The following SORCS2 variants were observed in gnomAD, a reference collection of about 807,000 sequenced individuals.
The protein encoded by SORCS2 is VPS10 domain-containing receptor SorCS2.
Under a neutral mutation model 141.6 loss-of-function variants are expected in SORCS2, and 100 were observed. That is an observed-to-expected ratio of 0.71 (90% CI 0.60 to 0.83). The LOEUF (loss-of-function observed/expected upper bound fraction) is 0.83, where lower values mean the gene tolerates loss of function less well. Ranked by LOEUF, SORCS2 falls within the 40% of genes least tolerant of loss-of-function variation. SORCS2 has a pLI of 0.00. For missense variants in SORCS2, 1,646 were observed against 1,560.2 expected (o/e 1.05, Z -0.93); for synonymous variants, 789 against 676.9 (o/e 1.17, Z -2.57).
chr4:7,245,980 G>A (rs1219293398), intron 1 of SORCS2, among the ~76,000 whole-genome samples: 4 of 152,188 alleles, frequency 2.6e-5, no homozygotes, highest in African/African-American at 4.8e-5. Context: ...CAGCCTTGCC[G>A]TGATACTCCC....
At chr4:7,463,539 G>A (rs1002347499) in intron 2 of SORCS2, among the ~76,000 whole-genome samples, 1 of 152,174 alleles carries the variant, frequency 6.6e-6, no homozygotes, top group Non-Finnish European at 1.5e-5. Context: ...GGGCCTCCAG[G>A]AACAGACCCC....
At chr4:7,306,733 G>C (rs1017581793) in intron 1 of SORCS2, among the ~76,000 whole-genome samples, 1 of 152,166 alleles carries the variant, frequency 6.6e-6, no homozygotes, top group Non-Finnish European at 1.5e-5. Context: ...TCCTGTGGAC[G>C]GATCTCCATG....
chr4:7,543,907 C>CCATCCACCCATCCAT (rs1713000335), intron 3 of SORCS2, among the ~76,000 whole-genome samples: 2 of 43,446 alleles, frequency 4.6e-5, no homozygotes, highest in Non-Finnish European at 9.0e-5. Flanking sequence ...CATCCATCCA[C>CCATCCACCCATCCAT]CCATCCACCC....
At chr4:7,402,116 T>C (rs1374853110) in intron 2 of SORCS2, among the ~76,000 whole-genome samples, 1 of 152,152 alleles carries the variant, frequency 6.6e-6, no homozygotes, top group African/African-American at 2.4e-5. Flanking sequence ...ATTTAGGGCT[T>C]CAGTTTTTAC....
At chr4:7,709,635 G>A (rs1303356167) in intron 14 of SORCS2, among the ~76,000 whole-genome samples, 1 of 152,224 alleles carries the variant, frequency 6.6e-6, no homozygotes, top group East Asian at 1.9e-4. Flanking sequence ...CTCTGCAGGG[G>A]TCTGTACGGG....
At position 7,499,728 on chromosome 4, in the gene SORCS2, T is replaced by C. The variant is rs181701771; in HGVS notation, c.549-31802T>C. 3.4e-4 allele frequency among the ~76,000 whole-genome samples: 51 copies of C among 148,956 alleles called. 1 individual carries two copies. The highest frequency in any genetic ancestry group is 1.3e-3 in the African/African-American group (51 of 40,238). On this transcript the variant is annotated intron_variant, in intron 2 of 26. Transcript: ENST00000507866. Reference sequence around the variant, plus strand: ...CCTGGAAAGATCCTCTCGTCTGCCTTCCTCGCTCCTCAAACGCTGGCATCT... The same window carrying C: ...CCTGGAAAGATCCTCTCGTCTGCCTCCCTCGCTCCTCAAACGCTGGCATCT...
At chr4:7,223,455 G>T (rs1467738092) in intron 1 of SORCS2, among the ~76,000 whole-genome samples, 1 of 152,142 alleles carries the variant, frequency 6.6e-6, no homozygotes, top group Non-Finnish European at 1.5e-5. Flanking sequence ...TGTGTCCTTG[G>T]AATGATGCTA....
At position 7,539,797 on chromosome 4, in the gene SORCS2, G is replaced by C. The variant is rs543359321; in HGVS notation, c.648+8168G>C. On this transcript the variant is annotated intron_variant, in intron 3 of 26. Transcript: ENST00000507866. ...CACCCCTTCCTGTTGTGGATGCTCT[G>C]CCTCCTTCCTGCTGTGGAGGCCCCA... 9.1e-3 allele frequency among the ~76,000 whole-genome samples: 925 copies of C among 101,788 alleles called. 8 individuals carry two copies. Among genetic ancestry groups the C allele is most frequent in the African/African-American group, 0.03 (888 of 29,942 alleles). The allele number at this position is 101,788 out of a possible 152,430, so 66.8% of individuals were successfully genotyped here. A position where few individuals can be genotyped will look rare whatever the true frequency, so the allele number is the denominator to read the frequency against.
chr4:7,693,491 G>A (rs1333171340), intron 11 of SORCS2, among the ~76,000 whole-genome samples: 2 of 152,212 alleles, frequency 1.3e-5, no homozygotes, highest in Admixed American at 6.5e-5. Context: ...CTCCTCAGAT[G>A]CTGTGGGTGC....
At chr4:7,413,087 C>T (rs1725432426) in intron 2 of SORCS2, among the ~76,000 whole-genome samples, 1 of 152,128 alleles carries the variant, frequency 6.6e-6, no homozygotes, top group South Asian at 2.1e-4. Context: ...CTGGGTAGTG[C>T]TTTAAGAATC....
intron 14 of SORCS2, among the ~76,000 whole-genome samples, chr4:7,709,815 C>A (rs907883432): frequency 6.6e-6 from 1 of 152,204 alleles, no homozygotes; most frequent in Non-Finnish European, 1.5e-5. Context: ...CTCTCTTTCC[C>A]CACAGTGCAG....
At chr4:7,403,970 TATATATATATATATATATATATA>T (rs1724760047) in intron 2 of SORCS2, among the ~76,000 whole-genome samples, 1 of 4,678 alleles carries the variant, frequency 2.1e-4, no homozygotes, top group Non-Finnish European at 9.8e-4. Flanking sequence ...TGTATATATA[TATATATATATATATATATATATA>T]TATATTTTTT....
At chr4:7,579,405 G>A (rs1298771502) in intron 3 of SORCS2, among the ~76,000 whole-genome samples, 18 of 152,160 alleles carry the variant, frequency 1.2e-4, no homozygotes, top group Admixed American at 1.2e-3. Context: ...TAGTCTCACA[G>A]TATTAGGAGG....
At chr4:7,442,969 A>G (rs1363240352) in intron 2 of SORCS2, among the ~76,000 whole-genome samples, 4 of 152,016 alleles carry the variant, frequency 2.6e-5, no homozygotes, top group African/African-American at 7.2e-5. Flanking sequence ...GGGGCCAGCA[A>G]TCTTCCCCGG....
At chr4:7,688,751 A>C (rs1560484713) in intron 10 of SORCS2, among the ~76,000 whole-genome samples, 2 of 152,128 alleles carry the variant, frequency 1.3e-5, no homozygotes, top group African/African-American at 4.8e-5. Context: ...ATTACCCCAC[A>C]AAGCCTTTTG....
intron 1 of SORCS2, among the ~76,000 whole-genome samples, chr4:7,364,131 C>T (rs1278027260): frequency 6.6e-6 from 1 of 151,572 alleles, no homozygotes; most frequent in Non-Finnish European, 1.5e-5. Flanking sequence ...CCACCACCAC[C>T]ACATCATCAT....
chr4:7,339,859 G>A (rs1274450826), intron 1 of SORCS2, among the ~76,000 whole-genome samples: 1 of 152,148 alleles, frequency 6.6e-6, no homozygotes, highest in Non-Finnish European at 1.5e-5. Flanking sequence ...TAAAAGGGAG[G>A]GTCTCCAGGA....
intron 1 of SORCS2, among the ~76,000 whole-genome samples, chr4:7,339,172 T>C (rs1305122840): frequency 6.6e-6 from 1 of 152,186 alleles, no homozygotes; most frequent in East Asian, 1.9e-4. Flanking sequence ...AACCAGCCCA[T>C]GGAGCGCTGC....
chr4:7,446,763 C>T (rs773914699), intron 2 of SORCS2, among the ~76,000 whole-genome samples: 14 of 152,206 alleles, frequency 9.2e-5, no homozygotes, highest in Non-Finnish European at 2.1e-4. Flanking sequence ...TTAGCAGTGG[C>T]CACCAGGGGC....
Sources: allele counts gnomAD v4.1 joint callset (sites outside exome capture counted in the v4.1 genomes callset), GRCh38; gene constraint gnomAD v4.1.1; transcripts MANE v1.5; gene names NCBI Gene and HGNC (gene_info 2026-07-23, HGNC 2026-07-21).